GPC3: variants seen among roughly 807,000 people sequenced by gnomAD.
GPC3 encodes glypican 3.
In GPC3, 3 loss-of-function variants were observed where a neutral mutation model predicts 34.4. That is an observed-to-expected ratio of 0.09 (90% CI 0.04 to 0.23). The LOEUF is 0.23. Ranked by LOEUF, GPC3 falls within the 10% of genes least tolerant of loss-of-function variation. GPC3 has a pLI of 1.00. For synonymous variants in GPC3, 177 were observed against 174.0 expected, an observed-to-expected ratio of 1.02 and a Z score of -0.13; for missense variants, 351 against 445.6, an observed-to-expected ratio of 0.79 and a Z score of 1.91.
In GPC3 at chrX:133,578,270, T is replaced by A. The variant is rs150275211; in HGVS notation, c.1573+18170A>T. 6.6e-3 allele frequency among the ~76,000 whole-genome samples: 744 copies of A among 112,131 alleles called. 6 individuals are homozygous for A. Among genetic ancestry groups the A allele is most frequent in the African/African-American group, 0.023 (704 of 30,859 alleles). ...ATCTAAATAGACAGGTCTTGCTGAT[T>A]CTTCTTCTTAAATCTGCATCTTCAT... On this transcript the variant is annotated intron_variant, in intron 7 of 7. Coordinates refer to ENST00000370818, the MANE Select transcript of GPC3 (RefSeq NM_004484.4).
Position 133,985,570 on chromosome X carries a change from T to A in GPC3, c.-121A>T. On this transcript the variant is annotated 5_prime_UTR_variant, in exon 1 of 8. Transcript: ENST00000370818. Reference sequence around the variant, plus strand: ...AAGAGACGTGCTGCTACCCAGCCGCTGCAAAAGTTTCCTCGCAGCTACCTG... The same window carrying A: ...AAGAGACGTGCTGCTACCCAGCCGCAGCAAAAGTTTCCTCGCAGCTACCTG... 2.9e-6 allele frequency: 2 copies of A among 700,923 alleles called. No homozygotes were observed. The highest frequency in any genetic ancestry group is 4.2e-6 in the Non-Finnish European group (2 of 479,607). The allele number at this position is 700,923 out of a possible 1,213,427, so 57.8% of individuals were successfully genotyped here. A position where few individuals can be genotyped will look rare whatever the true frequency, so the allele number is the denominator to read the frequency against.
intron 7 of GPC3, among the ~76,000 whole-genome samples, chrX:133,560,717 C>T (rs751533064): frequency 3.5e-4 from 33 of 94,252 alleles, no homozygotes; most frequent in African/African-American, 8.0e-4. Flanking sequence ...CCAAACTGGG[C>T]GACACAGTGA....
intron 3 of GPC3, among the ~76,000 whole-genome samples, chrX:133,750,790 A>G (rs1457567204): frequency 9.0e-6 from 1 of 111,173 alleles, no homozygotes; most frequent in Non-Finnish European, 1.9e-5. Flanking sequence ...AAAGCACCAC[A>G]TGGCCAGGCG....
chrX:133,635,843 A>C (rs1240308798), intron 6 of GPC3, among the ~76,000 whole-genome samples: 2 of 111,051 alleles, frequency 1.8e-5, no homozygotes, highest in Non-Finnish European at 3.8e-5. Flanking sequence ...AAAAAAAAAA[A>C]AACACTTCAT....
At chrX:133,839,083 T>TA (rs779810028) in intron 2 of GPC3, among the ~76,000 whole-genome samples, 2 of 111,667 alleles carry the variant, frequency 1.8e-5, no homozygotes, top group South Asian at 7.5e-4. Context: ...TTTCTTCAGA[T>TA]AAAAGCCCCC....
chrX:133,958,471 A>C (rs1450125322), intron 1 of GPC3, among the ~76,000 whole-genome samples: 1 of 105,498 alleles, frequency 9.5e-6, no homozygotes, highest in Non-Finnish European at 1.9e-5. Flanking sequence ...ACTTGGGCTC[A>C]GAGGTCGAGG....
At chrX:133,635,004 C>A (rs936824675) in intron 6 of GPC3, among the ~76,000 whole-genome samples, 1 of 111,166 alleles carries the variant, frequency 9.0e-6, no homozygotes, top group African/African-American at 3.3e-5. Flanking sequence ...AGACTCCTCC[C>A]CTGTCCTAGC....
intron 2 of GPC3, among the ~76,000 whole-genome samples, chrX:133,792,927 C>T (rs750055947): frequency 2.7e-5 from 3 of 111,707 alleles, no homozygotes; most frequent in Non-Finnish European, 3.8e-5. Context: ...GAGGGAGCCA[C>T]GTTTCCTTCT....
intron 2 of GPC3, among the ~76,000 whole-genome samples, chrX:133,835,497 C>G (rs889266492): frequency 3.8e-4 from 42 of 111,900 alleles, no homozygotes; most frequent in African/African-American, 1.3e-3. Context: ...ATGAACTAAT[C>G]CCAAAATTGC....
At chrX:133,681,657 C>T (rs114039049) in intron 5 of GPC3, among the ~76,000 whole-genome samples, 1,492 of 111,852 alleles carry the variant, frequency 0.013, 37 homozygotes, top group African/African-American at 0.047. Context: ...ACAGCCACAA[C>T]AATGACAACT....
intron 2 of GPC3, among the ~76,000 whole-genome samples, chrX:133,797,612 T>C (rs1030245550): frequency 9.0e-6 from 1 of 111,283 alleles, no homozygotes; most frequent in African/African-American, 3.3e-5. Context: ...GCGGATCACT[T>C]GAAACCAGGA....
chrX:133,687,409 TGAGATGGAA>T (rs2071019916), intron 5 of GPC3, among the ~76,000 whole-genome samples: 1 of 85,208 alleles, frequency 1.2e-5, no homozygotes, highest in Admixed American at 1.3e-4. Flanking sequence ...TTTTTTTTTT[TGAGATGGAA>T]TCTTACTCTG....
At chrX:133,804,972 C>A (rs1457772215) in intron 2 of GPC3, among the ~76,000 whole-genome samples, 1 of 111,481 alleles carries the variant, frequency 9.0e-6, no homozygotes. Context: ...ATATGGTATC[C>A]ATTTAAAATA....
chrX:133,657,936 G>GAGAGAGAGAGAGAGA (rs59330472), intron 6 of GPC3, among the ~76,000 whole-genome samples: 3 of 105,960 alleles, frequency 2.8e-5, no homozygotes, highest in African/African-American at 1.1e-4. Flanking sequence ...GAGAGAGAGA[G>GAGAGAGAGAGAGAGA]GAGAAGTATT....
At chrX:133,577,727 G>A (rs2124308478) in intron 7 of GPC3, among the ~76,000 whole-genome samples, 1 of 112,240 alleles carries the variant, frequency 8.9e-6, no homozygotes, top group South Asian at 3.7e-4. Flanking sequence ...GCCCCTGTGA[G>A]TAGAACAGAT....
chrX:133,625,386 G>A (rs1395926295), intron 6 of GPC3, among the ~76,000 whole-genome samples: 2 of 112,010 alleles, frequency 1.8e-5, no homozygotes, highest in Non-Finnish European at 3.8e-5. Flanking sequence ...GCCCCTGTTT[G>A]CAGATGACAT....
intron 5 of GPC3, among the ~76,000 whole-genome samples, chrX:133,672,544 C>T (rs771096312): frequency 8.9e-6 from 1 of 112,338 alleles, no homozygotes; most frequent in South Asian, 3.7e-4. Flanking sequence ...TATTCAATCA[C>T]CCCAAACTCG....
chrX:133,798,933 A>G (rs1452519077), intron 2 of GPC3, among the ~76,000 whole-genome samples: 6 of 112,170 alleles, frequency 5.3e-5, no homozygotes, highest in Admixed American at 9.5e-5. Flanking sequence ...TAGCATGGAC[A>G]CCAGCAGGAC....
At chrX:133,969,318 G>C (rs1324727263) in intron 1 of GPC3, among the ~76,000 whole-genome samples, 1 of 111,660 alleles carries the variant, frequency 9.0e-6, no homozygotes, top group Non-Finnish European at 1.9e-5. Context: ...AATGAGAAAA[G>C]CTGCTTAGAC....
Sources: allele counts gnomAD v4.1 joint callset (sites outside exome capture counted in the v4.1 genomes callset), GRCh38; gene constraint gnomAD v4.1.1; transcripts MANE v1.5; gene names NCBI Gene and HGNC (gene_info 2026-07-23, HGNC 2026-07-21).